The following ADIPOR1 variants were observed in gnomAD, a reference collection of about 807,000 sequenced individuals.
ADIPOR1 encodes adiponectin receptor protein 1.
ADIPOR1 carries 15 observed loss-of-function variants against 37.5 expected under a neutral mutation model. That is an observed-to-expected ratio of 0.40 (90% confidence interval 0.27 to 0.62). The LOEUF (loss-of-function observed/expected upper bound fraction) is 0.62, where lower values mean the gene tolerates loss of function less well. ADIPOR1 is among the 20% of genes least tolerant of loss of function. ADIPOR1 has a pLI of 0.42. For missense variants in ADIPOR1, 286 were observed against 478.0 expected (o/e 0.60, Z 3.75); for synonymous variants, 173 against 173.2 (o/e 1.00, Z 0.01).
chr1:202,950,826 G>A (rs1274696086), intron 2 of ADIPOR1, 104 bp downstream of exon 2: 5 of 1,447,070 alleles, frequency 3.5e-6, no homozygotes, highest in Non-Finnish European at 4.8e-6. Context: ...TTTCCAGGAT[G>A]CAATGTTCCT....
chr1:202,951,157 G>A lies in ADIPOR1; in HGVS notation c.-87C>T. The A allele has an allele frequency of 6.6e-7, 1 of 1,511,436 alleles. No individual in the cohort carries two copies. The highest frequency in any genetic ancestry group is 1.2e-5 in the South Asian group (1 of 84,302). 93.6% of individuals were successfully genotyped at this position (1,511,436 alleles called of 1,614,324 possible). ...CAGGGGGCAGAGATCTCCCTCTGATGGTAGACACTAAAAGAAAATACAAAC... is the reference window on the plus strand; with the variant it reads ...CAGGGGGCAGAGATCTCCCTCTGATAGTAGACACTAAAAGAAAATACAAAC... On this transcript the variant is annotated 5_prime_UTR_variant, in exon 2 of 8. Coordinates refer to ENST00000340990, the MANE Select transcript of ADIPOR1 (RefSeq NM_015999.6).
intron 6 of ADIPOR1, among the ~76,000 whole-genome samples, chr1:202,943,441 G>A (rs1654180810): frequency 6.6e-6 from 1 of 152,112 alleles, no homozygotes; most frequent in African/African-American, 2.4e-5. Context: ...TCTGAGCTTG[G>A]GACTCGGGTC....
Position 202,941,571 on chromosome 1 carries a change from G to T in ADIPOR1, c.*2C>A, listed in dbSNP as rs1290266134. Reference sequence around the variant, plus strand: ...CCTCCTCCACCCCGCAGGTGGGAAGGCTCAGAGAAGGGTGTCATCAGTACA... The same window carrying T: ...CCTCCTCCACCCCGCAGGTGGGAAGTCTCAGAGAAGGGTGTCATCAGTACA... On this transcript the variant is annotated 3_prime_UTR_variant, in exon 8 of 8. Transcript: ENST00000340990. 3.7e-6 allele frequency: 6 copies of T among 1,606,444 alleles called. No homozygotes were observed. Among genetic ancestry groups the T allele is most frequent in the Non-Finnish European group, 5.1e-6 (6 of 1,177,924 alleles).
chr1:202,944,994 C>A lies in ADIPOR1; in HGVS notation c.606G>T (p.Arg202=), dbSNP rs1195753408. Residue 202 remains arginine, a synonymous_variant, in exon 5 of 8, where the codon CGG becomes CGT. Coordinates refer to ENST00000340990, the MANE Select transcript of ADIPOR1 (RefSeq NM_015999.6). ...TTCTTTTAACTCACTTGGAAAAAGTCCGAGAGACTTTCTCTGAATGACAAT... is the reference window on the plus strand; with the variant it reads ...TTCTTTTAACTCACTTGGAAAAAGTACGAGAGACTTTCTCTGAATGACAAT... ...TVYCHSEKVS[R]TFSKLDYSGI... is the part of the protein sequence containing the mutation. 6.2e-7 allele frequency: 1 copy of A among 1,610,606 alleles called. No individual in the cohort carries two copies. The highest frequency in any genetic ancestry group is 1.7e-5 in the Admixed American group (1 of 58,678).
At chr1:202,943,110 C>T (rs1000970598) in intron 6 of ADIPOR1, among the ~76,000 whole-genome samples, 9 of 142,674 alleles carry the variant, frequency 6.3e-5, no homozygotes, top group African/African-American at 1.0e-4. Context: ...TCAAGTGATC[C>T]GCCTGCCTCG....
intron 1 of ADIPOR1, among the ~76,000 whole-genome samples, chr1:202,957,601 C>T (rs1161237890): frequency 6.6e-6 from 1 of 152,210 alleles, no homozygotes; most frequent in Non-Finnish European, 1.5e-5. Flanking sequence ...ACCTTCGATT[C>T]TGCCCCGCAT....
At chr1:202,952,402 C>T (rs1654612025) in intron 1 of ADIPOR1, among the ~76,000 whole-genome samples, 1 of 152,198 alleles carries the variant, frequency 6.6e-6, no homozygotes, top group Non-Finnish European at 1.5e-5. Flanking sequence ...CATAACTTTG[C>T]TCCTGAGGGA....
Position 202,945,155 on chromosome 1 carries a change from G to A in ADIPOR1, c.445C>T (p.Leu149Phe), listed in dbSNP as rs767286210. 2.1e-5 allele frequency: 33 copies of A among 1,608,578 alleles called. No individual in the cohort carries two copies. The highest frequency in any genetic ancestry group is 2.7e-5 in the Non-Finnish European group (32 of 1,178,044). The change falls in exon 5 of 8, where the codon CTC becomes TTC. Residue 149 changes from leucine to phenylalanine, a missense_variant. Physicochemically the swap from Leu to Phe is conservative, Grantham distance 22. Coordinates refer to ENST00000340990, the MANE Select transcript of ADIPOR1 (RefSeq NM_015999.6). ...WTHLLGFVLF[L>F]FLGILTMLRP... ...AGCATGGTCAAGATTCCCAAAAAGA[G>A]AAACAGCACGAAACCTGCAGGAGGG...
In ADIPOR1 at chr1:202,941,464, G is replaced by A. The variant is rs1321595522; in HGVS notation, c.*109C>T. 1.5e-6 allele frequency: 2 copies of A among 1,376,692 alleles called. No homozygotes were observed. Among genetic ancestry groups the A allele is most frequent in the Non-Finnish European group, 2.0e-6 (2 of 1,021,128 alleles). The allele number at this position is 1,376,692 out of a possible 1,614,324, so 85.3% of individuals were successfully genotyped here. A position where few individuals can be genotyped will look rare whatever the true frequency, so the allele number is the denominator to read the frequency against. ...GCTTGGTTGGTACTGAATTCTCTAA[G>A]AGGTTTCTTCTAGAAACAGACAACT... On this transcript the variant is annotated 3_prime_UTR_variant, in exon 8 of 8. Transcript: ENST00000340990.
In ADIPOR1 at chr1:202,943,820, G is replaced by A; in HGVS notation, c.743C>T (p.Ser248Phe). Residue 248 changes from serine (S) to phenylalanine (F), a missense_variant, in exon 6 of 8, where the codon TCT becomes TTT. Ser to Phe is a radical substitution (Grantham distance 155). Coordinates refer to ENST00000340990, the MANE Select transcript of ADIPOR1 (RefSeq NM_015999.6). ...GTCCCACTGCGCCACAATGATGGCA[G>A]AAATGCCCAGGACACAGACGATGGA... ...YLSIVCVLGI[S>F]AIIVAQWDRF... is the part of the protein sequence containing the mutation. 6.2e-7 allele frequency: 1 copy of A among 1,614,146 alleles called. No individual in the cohort carries two copies. Among genetic ancestry groups the A allele is most frequent in the Non-Finnish European group, 8.5e-7 (1 of 1,180,020 alleles).
chr1:202,957,550 C>T (rs139531519), intron 1 of ADIPOR1, among the ~76,000 whole-genome samples: 1 of 152,048 alleles, frequency 6.6e-6, no homozygotes. Flanking sequence ...TACATCAATC[C>T]TAGATACCTA....
chr1:202,944,039 G>T, intron 5 of ADIPOR1, 94 bp from the exon 6 acceptor site: 4 of 1,150,792 alleles, frequency 3.5e-6, no homozygotes, highest in Non-Finnish European at 4.9e-6. Context: ...CCTGCTCCCA[G>T]ATTTAACCAT....
intron 4 of ADIPOR1, 24 bp downstream of exon 4, chr1:202,946,415 C>T (rs1218139811): frequency 5.0e-6 from 8 of 1,613,246 alleles, no homozygotes; most frequent in Middle Eastern, 1.8e-4. Flanking sequence ...ACAAATTCCA[C>T]CTTTCCCCAT....
chr1:202,942,415 G>C (rs976221074), intron 6 of ADIPOR1, among the ~76,000 whole-genome samples, 197 bp from the exon 7 acceptor site: 2 of 152,212 alleles, frequency 1.3e-5, no homozygotes, highest in Admixed American at 1.3e-4. Flanking sequence ...AAGAAGCTGT[G>C]TAAGTGCTTA....
chr1:202,941,856 C>T (rs1282041931), intron 7 of ADIPOR1, among the ~76,000 whole-genome samples, 155 bp from the exon 8 acceptor site: 2 of 152,188 alleles, frequency 1.3e-5, no homozygotes, highest in Non-Finnish European at 2.9e-5. Flanking sequence ...AAAACACAGT[C>T]CTTGTCAGAG....
At chr1:202,948,668 G>A (rs774421329) in intron 2 of ADIPOR1, among the ~76,000 whole-genome samples, 1 of 152,184 alleles carries the variant, frequency 6.6e-6, no homozygotes, top group Non-Finnish European at 1.5e-5. Context: ...CTGTCACAGA[G>A]ACTAGCATTG....
At chr1:202,949,592 A>AAAAAAAAAAAAAAAAC (rs1386405820) in intron 2 of ADIPOR1, among the ~76,000 whole-genome samples, 145 of 150,438 alleles carry the variant, frequency 9.6e-4, no homozygotes, top group African/African-American at 3.4e-3. Flanking sequence ...AAAAAAAAAA[A>AAAAAAAAAAAAAAAAC]AAAAACACAC....
intron 3 of ADIPOR1, 95 bp downstream of exon 3, chr1:202,948,209 A>G (rs939454575): frequency 4.9e-6 from 5 of 1,019,898 alleles, no homozygotes; most frequent in Non-Finnish European, 5.7e-6. Context: ...CCCAGGAATA[A>G]AAGCTCTTCG....
At chr1:202,957,685 A>C (rs1443760156) in intron 1 of ADIPOR1, among the ~76,000 whole-genome samples, 1 of 152,266 alleles carries the variant, frequency 6.6e-6, no homozygotes, top group East Asian at 1.9e-4. Flanking sequence ...AAGTGAGGGC[A>C]CTGTCAGGAC....
Sources: gnomAD v4.1 joint callset for allele counts (sites outside exome capture counted in the v4.1 genomes callset) on GRCh38, gnomAD v4.1.1 for gene constraint, MANE v1.5 for transcripts, NCBI Gene and HGNC (gene_info 2026-07-23, HGNC 2026-07-21) for gene names.